LRRC57: variants seen among roughly 807,000 people sequenced by gnomAD.
LRRC57 encodes the protein leucine rich repeat containing 57, also known as leucine-rich repeat-containing protein 57.
A neutral mutation model predicts 23.1 loss-of-function variants in LRRC57; 14 were observed. The ratio of observed to expected loss-of-function variants is 0.61; its 90% CI spans 0.40 to 0.95. LRRC57 has a LOEUF of 0.95. LRRC57 is among the 40% of genes least tolerant of loss of function. The pLI, the probability that LRRC57 is intolerant of heterozygous loss-of-function variation, is 0.00. For missense variants in LRRC57, 236 were observed against 284.4 expected, an observed-to-expected ratio of 0.83 and a Z score of 1.22; for synonymous variants, 106 against 115.2, an observed-to-expected ratio of 0.92 and a Z score of 0.51.
the LRRC57 span, among the ~76,000 whole-genome samples, chr15:42,530,403 C>A: frequency 6.6e-6 from 1 of 152,128 alleles, no homozygotes; most frequent in Admixed American, 6.6e-5. Flanking sequence ...TCCCCCTTAA[C>A]TTTACATGAT....
chr15:42,531,584 G>T, the LRRC57 span: 1 of 792,478 alleles, frequency 1.3e-6, no homozygotes, highest in South Asian at 1.9e-5. Context: ...TTCTAATTGG[G>T]AGATAATATG....
At chr15:42,544,999 T>G in intron 5 of LRRC57, 78 bp downstream of exon 5, 1 of 1,115,578 alleles carries the variant, frequency 9.0e-7, no homozygotes, top group Non-Finnish European at 1.3e-6. Context: ...ACATGAGCTA[T>G]AAACATTTCT....
chr15:42,533,810 G>A (rs2057585786), downstream of LRRC57, among the ~76,000 whole-genome samples: 2 of 152,232 alleles, frequency 1.3e-5, no homozygotes, highest in Admixed American at 6.5e-5. Context: ...GCAATGAAGT[G>A]AGGCACATGA....
In LRRC57 at chr15:42,539,693, GT is replaced by G. The variant is rs1203667649; in HGVS notation, c.*4389del. On this transcript the variant is annotated 3_prime_UTR_variant, in exon 6 of 6. Transcript: ENST00000397130. Reference sequence around the variant, plus strand: ...ATCTGGGTCTTTAGACCACAAGCTAGTTTACTTGATTAGCTCATATTTAAAT... The same window carrying G: ...ATCTGGGTCTTTAGACCACAAGCTAGTTACTTGATTAGCTCATATTTAAAT... 6.6e-6 allele frequency: 1 copy of G among 152,126 alleles called. No individual in the cohort carries two copies. Among genetic ancestry groups the G allele is most frequent in the Non-Finnish European group, 1.5e-5 (1 of 68,032 alleles). 9.4% of individuals were successfully genotyped at this position (152,126 alleles called of 1,614,324 possible).
In LRRC57 at chr15:42,544,078, GA is replaced by G; in HGVS notation, c.*4del. On this transcript the variant is annotated 3_prime_UTR_variant, in exon 6 of 6. Coordinates refer to ENST00000397130, the MANE Select transcript of LRRC57 (RefSeq NM_153260.3). The stretch of plus-strand genomic sequence containing the variant: ...CCTGTAAGGTTTCCATAGTCCTGGA[GA>G]ACTTCACGCAAACTTCTTCTTGGTG... The G allele has an allele frequency of 6.2e-7, 1 of 1,612,798 alleles. No homozygotes were observed. The highest frequency in any genetic ancestry group is 8.5e-7 in the Non-Finnish European group (1 of 1,179,174).
downstream of LRRC57, among the ~76,000 whole-genome samples, chr15:42,537,231 T>TCACACACACA (rs777117722): frequency 0.018 from 2,346 of 131,988 alleles, 25 homozygotes; most frequent in Non-Finnish European, 0.023. Context: ...TCTCTCTCTC[T>TCACACACACA]CTCACACACA....
rs1161352639 is a variant in LRRC57 at position 42,539,101 on chromosome 15, T to G, written c.*4982A>C. On this transcript the variant is annotated 3_prime_UTR_variant, in exon 6 of 6. Transcript: ENST00000397130. ...GAGGCTGAGGTGGGAGGAGATAGCT[T>G]GAGCCCAGGAGATCAAGGCATTTGT... is the stretch of plus-strand genomic sequence containing the variant. The G allele has an allele frequency of 2.0e-5, 3 of 152,192 alleles. No homozygotes were observed. Among genetic ancestry groups the G allele is most frequent in the Non-Finnish European group, 4.4e-5 (3 of 68,096 alleles). The allele number at this position is 152,192 out of a possible 1,614,324, so 9.4% of individuals were successfully genotyped here.
At chr15:42,536,481 T>G (rs953649274), downstream of LRRC57, among the ~76,000 whole-genome samples, 1 of 152,178 alleles carries the variant, frequency 6.6e-6, no homozygotes, top group Non-Finnish European at 1.5e-5. Context: ...CTCTGTGAAT[T>G]TGATGAAAGA....
chr15:42,548,541 G>A, intron 1 of LRRC57, 85 bp from the exon 2 acceptor site: 1 of 1,088,422 alleles, frequency 9.2e-7, no homozygotes. Flanking sequence ...CTCAACTCCC[G>A]CCGATCCCTG....
chr15:42,540,678 AAG>A lies in LRRC57; in HGVS notation c.*3403_*3404del, dbSNP rs1262255823. On this transcript the variant is annotated 3_prime_UTR_variant, in exon 6 of 6. Coordinates refer to ENST00000397130, the MANE Select transcript of LRRC57 (RefSeq NM_153260.3). ...AAGGGTGGTAGTTGTGGATTCTGAT[AAG>A]AGTGTGGATTAAACTCCAATTAATA... The A allele has an allele frequency of 3.9e-5, 6 of 152,204 alleles. No homozygotes were observed. The highest frequency in any genetic ancestry group is 1.4e-4 in the African/African-American group (6 of 41,456). 9.4% of individuals were successfully genotyped at this position (152,204 alleles called of 1,614,324 possible).
Position 42,540,208 on chromosome 15 carries a change from A to T in LRRC57, c.*3875T>A, listed in dbSNP as rs2141574044. ...GCCTCTGGACCAAAAAAAAAAAAAA[A>T]AAGGGCATTCCCAACTGAGTGAACA... On this transcript the variant is annotated 3_prime_UTR_variant, in exon 6 of 6. Transcript: ENST00000397130. The T allele has an allele frequency of 6.6e-6, 1 of 151,852 alleles. No individual in the cohort carries two copies. Among genetic ancestry groups the T allele is most frequent in the African/African-American group, 2.4e-5 (1 of 41,444 alleles). The allele number at this position is 151,852 out of a possible 1,614,324, so 9.4% of individuals were successfully genotyped here.
chr15:42,547,396 T>C lies in LRRC57; in HGVS notation c.357A>G (p.Gln119=), dbSNP rs148009854. The change falls in exon 4 of 6, where the codon CAA becomes CAG. Residue 119 remains glutamine, a synonymous_variant. Coordinates refer to ENST00000397130, the MANE Select transcript of LRRC57 (RefSeq NM_153260.3). ...AAAGTTGGGGAGGTAATGCTCCCAG[T>C]TGGTTCCCAGAGAGGCTCAGGGTCT... ...ALKTLSLSGN[Q]LGALPPQLCS... is the part of the protein sequence containing the mutation. The C allele has an allele frequency of 3.9e-4, 627 of 1,614,168 alleles. 1 individual carries two copies. The highest frequency in any genetic ancestry group is 4.8e-4 in the Non-Finnish European group (572 of 1,180,028).
chr15:42,528,786 A>G, the LRRC57 span, among the ~76,000 whole-genome samples: 1 of 152,060 alleles, frequency 6.6e-6, no homozygotes, highest in Non-Finnish European at 1.5e-5. Flanking sequence ...GGGTTTCACC[A>G]TGTTGACCAG....
chr15:42,533,184 C>T (rs1220736916), downstream of LRRC57: 2 of 152,226 alleles, frequency 1.3e-5, no homozygotes, highest in African/African-American at 4.8e-5. Context: ...AACACTACAG[C>T]AGGAAGCTGC....
chr15:42,546,179 C>CT (rs1202728481), intron 4 of LRRC57, among the ~76,000 whole-genome samples: 1 of 152,182 alleles, frequency 6.6e-6, no homozygotes, highest in Non-Finnish European at 1.5e-5. Flanking sequence ...ATCATGGGAA[C>CT]TTTAATAAGT....
rs10454039 is a variant in LRRC57 at position 42,540,336 on chromosome 15, C to T, written c.*3747G>A. Reference sequence around the variant, plus strand: ...TGCCTCAAATTTCTAAAAAACAAAACCTTAATTTAGCATGCATCAAATACT... The same window carrying T: ...TGCCTCAAATTTCTAAAAAACAAAATCTTAATTTAGCATGCATCAAATACT... On this transcript the variant is annotated 3_prime_UTR_variant, in exon 6 of 6. Transcript: ENST00000397130. The T allele has an allele frequency of 0.56, 85,412 of 151,962 alleles. 29,371 individuals carry two copies. The highest frequency in any genetic ancestry group is 0.79 in the East Asian group (4,064 of 5,172). 9.4% of individuals were successfully genotyped at this position (151,962 alleles called of 1,614,324 possible). A position where few individuals can be genotyped will look rare whatever the true frequency, so the allele number is the denominator to read the frequency against.
In LRRC57 at chr15:42,541,960, CGT is replaced by C. The variant is rs1250070787; in HGVS notation, c.*2121_*2122del. On this transcript the variant is annotated 3_prime_UTR_variant, in exon 6 of 6. Transcript: ENST00000397130. The stretch of plus-strand genomic sequence containing the variant: ...ATTTTTAGTAGTGACAGGGTTTCAC[CGT>C]GTTAGCCAGGATGGTCTCGATCTCT... 6.6e-6 allele frequency: 1 copy of C among 151,660 alleles called. No homozygotes were observed. Among genetic ancestry groups the C allele is most frequent in the Admixed American group, 6.6e-5 (1 of 15,202 alleles). The allele number at this position is 151,660 out of a possible 1,614,324, so 9.4% of individuals were successfully genotyped here. A position where few individuals can be genotyped will look rare whatever the true frequency, so the allele number is the denominator to read the frequency against.
In LRRC57 at chr15:42,541,079, A is replaced by G. The variant is rs543137528; in HGVS notation, c.*3004T>C. 2 of 152,342 alleles carry G rather than the reference A, an allele frequency of 1.3e-5. No individual in the cohort carries two copies. Among genetic ancestry groups the G allele is most frequent in the East Asian group, 3.9e-4 (2 of 5,190 alleles). The allele number at this position is 152,342 out of a possible 1,614,324, so 9.4% of individuals were successfully genotyped here. A position where few individuals can be genotyped will look rare whatever the true frequency, so the allele number is the denominator to read the frequency against. On this transcript the variant is annotated 3_prime_UTR_variant, in exon 6 of 6. Transcript: ENST00000397130. ...AGTTCTGATTTATTAGATGAGAAGT[A>G]CTGATAAAACACAGAAATGTTAATT...
Position 42,539,331 on chromosome 15 carries a change from A to T in LRRC57, c.*4752T>A, listed in dbSNP as rs2057615889. The T allele has an allele frequency of 6.6e-6, 1 of 151,756 alleles. No individual in the cohort carries two copies. Among genetic ancestry groups the T allele is most frequent in the African/African-American group, 2.4e-5 (1 of 41,272 alleles). The allele number at this position is 151,756 out of a possible 1,614,324, so 9.4% of individuals were successfully genotyped here. ...CCATTTTACTAAAAATACAAAAATTAGCTGGGCGTGGTGGTGGGCACCTGT... is the reference window on the plus strand; with the variant it reads ...CCATTTTACTAAAAATACAAAAATTTGCTGGGCGTGGTGGTGGGCACCTGT... On this transcript the variant is annotated 3_prime_UTR_variant, in exon 6 of 6. Transcript: ENST00000397130.
Sources: gnomAD v4.1 joint callset for allele counts (sites outside exome capture counted in the v4.1 genomes callset) on GRCh38, gnomAD v4.1.1 for gene constraint, MANE v1.5 for transcripts, NCBI Gene and HGNC (gene_info 2026-07-23, HGNC 2026-07-21) for gene names.